The following SCRG1 variants were observed in gnomAD, a reference collection of about 807,000 sequenced individuals.
SCRG1 encodes the protein stimulator of chondrogenesis 1.
In SCRG1, 3 loss-of-function variants were observed where a neutral mutation model predicts 7.7. That is an observed-to-expected ratio of 0.39 (90% CI 0.18 to 1.01). SCRG1 has a LOEUF of 1.01. Among genes scored for constraint, SCRG1 ranks in the 50% least tolerant of loss-of-function variants. The probability of loss-of-function intolerance (pLI) is 0.36; values close to 1 mark genes in which losing one functional copy is unlikely to be tolerated. For synonymous variants in SCRG1, 46 were observed against 41.2 expected, an observed-to-expected ratio of 1.12 and a Z score of -0.44; for missense variants, 110 against 117.2, an observed-to-expected ratio of 0.94 and a Z score of 0.28.
the SCRG1 span, among the ~76,000 whole-genome samples, chr4:173,484,920 G>GATATTAT: frequency 2.2e-4 from 1 of 4,514 alleles, no homozygotes; most frequent in Non-Finnish European, 4.4e-4. Flanking sequence ...GTATATTTTA[G>GATATTAT]ATATTATATA....
chr4:173,437,918 T>C, the SCRG1 span, among the ~76,000 whole-genome samples: 1 of 152,142 alleles, frequency 6.6e-6, no homozygotes, highest in Non-Finnish European at 1.5e-5. Context: ...ACACTGAACT[T>C]AGCTTTCCTT....
chr4:173,505,656 ACTC>A, the SCRG1 span, among the ~76,000 whole-genome samples: 1,858 of 151,942 alleles, frequency 0.012, 43 homozygotes, highest in African/African-American at 0.043. The surrounding 1 kb of genome is among the most constrained non-coding windows in gnomAD (Gnocchi z 4.4). Context: ...GTTCTATCTC[ACTC>A]CTCCTACCTT....
At chr4:173,516,226 C>T in the SCRG1 span, among the ~76,000 whole-genome samples, 1 of 152,224 alleles carries the variant, frequency 6.6e-6, no homozygotes, top group African/African-American at 2.4e-5. Flanking sequence ...CTCCACAGCT[C>T]TGATTCACAC....
chr4:173,484,575 A>G, the SCRG1 span, among the ~76,000 whole-genome samples: 1 of 91,668 alleles, frequency 1.1e-5, no homozygotes, highest in Non-Finnish European at 1.9e-5. Flanking sequence ...TGTATATTTT[A>G]TATATTATAC....
chr4:173,440,411 A>G, the SCRG1 span, among the ~76,000 whole-genome samples: 1 of 152,192 alleles, frequency 6.6e-6, no homozygotes, highest in Non-Finnish European at 1.5e-5. Flanking sequence ...GGCATGGCAA[A>G]TTTGAATTTT....
At chr4:173,467,790 A>G in the SCRG1 span, 528 of 152,272 alleles carry the variant, frequency 3.5e-3, 3 homozygotes, top group African/African-American at 0.012. Flanking sequence ...CAAGCTAGCA[A>G]GCTTTGGGAT....
At chr4:173,404,095 G>A (rs1049337462), upstream of SCRG1, 3 of 152,194 alleles carry the variant, frequency 2.0e-5, no homozygotes, top group Non-Finnish European at 4.4e-5. Flanking sequence ...TCCAGATGGG[G>A]GAACTGGGGT....
the SCRG1 span, among the ~76,000 whole-genome samples, chr4:173,455,352 A>G: frequency 6.6e-6 from 1 of 152,226 alleles, no homozygotes; most frequent in Non-Finnish European, 1.5e-5. Flanking sequence ...TGTGCTTTCC[A>G]GCGGGGACTA....
At chr4:173,464,555 G>A in the SCRG1 span, among the ~76,000 whole-genome samples, 2 of 152,106 alleles carry the variant, frequency 1.3e-5, no homozygotes, top group African/African-American at 4.8e-5. Context: ...CTCTTAGGAT[G>A]GTTCTTATAA....
chr4:173,496,867 G>A, the SCRG1 span, among the ~76,000 whole-genome samples: 4 of 152,182 alleles, frequency 2.6e-5, no homozygotes, highest in Non-Finnish European at 2.9e-5. Context: ...AGCACTTTGG[G>A]AGGCTGAGGC....
rs187722169 is a variant in SCRG1, at chr4:173,405,878, C to G, written c.-748+382G>C. On this transcript the variant is annotated intron_variant and NMD_transcript_variant, in intron 1 of 8. Transcript: ENST00000512188. ...TAGAATCAGCCATTTCTCCAAGGAG[C>G]CCTGGTTCCTTTCATTGAAGAATAA... Among the ~76,000 whole-genome samples, 11 of 152,290 alleles carry G rather than the reference C, an allele frequency of 7.2e-5. No individual in the cohort carries two copies. In the East Asian group the frequency reaches 1.3e-3, roughly 19 times the overall value.
chr4:173,443,300 T>G, the SCRG1 span, among the ~76,000 whole-genome samples: 1 of 152,088 alleles, frequency 6.6e-6, no homozygotes, highest in South Asian at 2.1e-4. Context: ...AAGATAAAAT[T>G]TGTACATTTT....
At chr4:173,460,944 C>G in the SCRG1 span, among the ~76,000 whole-genome samples, 1 of 152,094 alleles carries the variant, frequency 6.6e-6, no homozygotes, top group African/African-American at 2.4e-5. Context: ...TCCTCATGGC[C>G]GGGGGTGATG....
chr4:173,417,015 CCA>C, the SCRG1 span, among the ~76,000 whole-genome samples: 2 of 147,442 alleles, frequency 1.4e-5, no homozygotes, highest in African/African-American at 5.0e-5. Context: ...CACACACACC[CCA>C]CACACAATCA....
At chr4:173,425,852 A>G in the SCRG1 span, among the ~76,000 whole-genome samples, 1 of 152,222 alleles carries the variant, frequency 6.6e-6, no homozygotes, top group Non-Finnish European at 1.5e-5. Flanking sequence ...CTATAATGAT[A>G]GTAATAGGCA....
At chr4:173,470,168 G>A in the SCRG1 span, 1 of 101,328 alleles carries the variant, frequency 9.9e-6, no homozygotes. Context: ...GGGATGTGTT[G>A]TTTTTGTTGT....
At chr4:173,452,841 G>A in the SCRG1 span, among the ~76,000 whole-genome samples, 6 of 152,246 alleles carry the variant, frequency 3.9e-5, no homozygotes, top group South Asian at 1.0e-3. Context: ...AATATATAGG[G>A]AAAAATATCA....
the SCRG1 span, among the ~76,000 whole-genome samples, chr4:173,517,609 C>A: frequency 1.3e-5 from 2 of 152,170 alleles, no homozygotes; most frequent in South Asian, 4.1e-4. Context: ...AGAATCCTTG[C>A]GTGACCGGAT....
At chr4:173,417,099 A>AAC in the SCRG1 span, among the ~76,000 whole-genome samples, 44 of 146,924 alleles carry the variant, frequency 3.0e-4, no homozygotes, top group South Asian at 2.8e-3. Flanking sequence ...CATCACACAC[A>AAC]ACACACACAC....
Sources: allele counts gnomAD v4.1 joint callset (sites outside exome capture counted in the v4.1 genomes callset), GRCh38; gene constraint gnomAD v4.1.1; non-coding constraint Gnocchi (gnomAD v3.1); transcripts MANE v1.5; gene names NCBI Gene and HGNC (gene_info 2026-07-23, HGNC 2026-07-21).